The following CTSC variants were observed in gnomAD, a reference collection of about 807,000 sequenced individuals.
CTSC encodes the protein dipeptidyl peptidase 1.
CTSC carries 37 observed loss-of-function variants against 40.9 expected under a neutral mutation model. That is an observed-to-expected ratio of 0.91 (90% CI 0.70 to 1.19). CTSC has a LOEUF of 1.19. Among genes scored for constraint, CTSC ranks in the 50% most tolerant of loss-of-function variants. The pLI is 0.00. For synonymous variants in CTSC, 232 were observed against 207.4 expected (o/e 1.12, Z -1.02); for missense variants, 594 against 567.3 (o/e 1.05, Z -0.48).
At position 88,313,783 on chromosome 11, in the gene CTSC, TAA is replaced by T. The variant is rs1937819674; in HGVS notation, c.319-1231_319-1230del. Among the ~76,000 whole-genome samples, 9 of 152,122 alleles carry T rather than the reference TAA, an allele frequency of 5.9e-5. 2 individuals are homozygous for T. The South Asian group carries it at 1.9e-3, about 32-fold the overall frequency. ...TACGAGGCTTTAGTTCTGTTGCCTG[TAA>T]AATATGGAAAGTAGAAAAAAAAATC... is the stretch of plus-strand genomic sequence containing the variant. On this transcript the variant is annotated intron_variant, in intron 2 of 6. Coordinates refer to ENST00000227266, the MANE Select transcript of CTSC (RefSeq NM_001814.6).
At chr11:88,302,394 C>A (rs987910547) in intron 4 of CTSC, among the ~76,000 whole-genome samples, 1 of 151,960 alleles carries the variant, frequency 6.6e-6, no homozygotes, top group Non-Finnish European at 1.5e-5. Flanking sequence ...GAGGCCGAGG[C>A]GGGCGGATCA....
rs780834342 is a variant in CTSC at position 88,296,209 on chromosome 11, G to C, written c.813C>G (p.Ile271Met). ...TCTGAGAATTGTTGGTTAGTATACG[G>C]ATTCTCGCTTCTAGCATACCCATAG... ...FASMGMLEARIRILTNNSQTP... is the reference protein window; with the variant it reads ...FASMGMLEARMRILTNNSQTP... The change falls in exon 6 of 7, where the codon ATC (isoleucine) becomes ATG (methionine). Residue 271 changes from isoleucine (I) to methionine (M), a missense_variant. Transcript: ENST00000227266. 3 of 1,614,048 alleles carry C rather than the reference G, an allele frequency of 1.9e-6. No homozygotes were observed. Among genetic ancestry groups the C allele is most frequent in the Admixed American group, 1.7e-5 (1 of 60,002 alleles).
At position 88,321,178 on chromosome 11, in the gene CTSC, G is replaced by T. The variant is rs217054; in HGVS notation, c.319-8624C>A. On this transcript the variant is annotated intron_variant, in intron 2 of 6. Transcript: ENST00000227266. ...TTTTAAGTTCCAGGGTACATGTGTAGGATGTGCAGGTTTCTTACATAGATA... is the reference window on the plus strand; with the variant it reads ...TTTTAAGTTCCAGGGTACATGTGTATGATGTGCAGGTTTCTTACATAGATA... 522 of 304,106 alleles carry T rather than the reference G, an allele frequency of 1.7e-3. 9 individuals are homozygous for T. Among genetic ancestry groups the T allele is most frequent in the African/African-American group, 0.011 (497 of 44,104 alleles). 18.8% of individuals were successfully genotyped at this position (304,106 alleles called of 1,614,324 possible).
intron 4 of CTSC, among the ~76,000 whole-genome samples, chr11:88,308,444 T>C (rs1937682932): frequency 6.6e-6 from 1 of 152,134 alleles, no homozygotes; most frequent in Non-Finnish European, 1.5e-5. Context: ...AAATATCTTT[T>C]CAGGGAAATT....
Position 88,294,064 on chromosome 11 carries a change from G to A in CTSC, c.1334C>T (p.Thr445Ile). 6.2e-7 allele frequency: 1 copy of A among 1,614,046 alleles called. No individual in the cohort carries two copies. Among genetic ancestry groups the A allele is most frequent in the Non-Finnish European group, 8.5e-7 (1 of 1,179,998 alleles). The change falls in exon 7 of 7, where the codon ACT becomes ATT. Residue 445 changes from threonine (T) to isoleucine (I), a missense_variant. Thr to Ile is a moderately conservative substitution (Grantham distance 89). Transcript: ENST00000227266. The stretch of plus-strand genomic sequence containing the variant: ...TATGCTCTCAATTGCACACTCATCA[G>A]TTCCTCTGCGGATCCGGAAGTAGCC... The part of the protein sequence containing the change: ...ENGYFRIRRG[T>I]DECAIESIAV...
chr11:88,333,347 C>T (rs1046398409), intron 2 of CTSC, among the ~76,000 whole-genome samples: 4 of 152,110 alleles, frequency 2.6e-5, no homozygotes, highest in African/African-American at 9.7e-5. Context: ...AACTGAATTC[C>T]ACTTCATTCA....
intron 5 of CTSC, chr11:88,299,655 TA>T (rs1312761639): frequency 1.3e-5 from 2 of 152,210 alleles, no homozygotes; most frequent in African/African-American, 2.4e-5. Flanking sequence ...AACAACAGTT[TA>T]TCTTTGGGTA....
At chr11:88,330,666 A>G (rs1485045263) in intron 2 of CTSC, among the ~76,000 whole-genome samples, 1 of 152,022 alleles carries the variant, frequency 6.6e-6, no homozygotes, top group Non-Finnish European at 1.5e-5. Context: ...TATTTTAAAA[A>G]CATACCTAGT....
chr11:88,295,093 C>T (rs1424940061), intron 6 of CTSC, among the ~76,000 whole-genome samples: 2 of 152,102 alleles, frequency 1.3e-5, no homozygotes, highest in Non-Finnish European at 2.9e-5. Flanking sequence ...ATTATTTAAT[C>T]TCTATCTCTT....
chr11:88,324,559 A>G, intron 2 of CTSC: 1 of 982,534 alleles, frequency 1.0e-6, no homozygotes, highest in Non-Finnish European at 1.2e-6. Flanking sequence ...AAAGAAAAGA[A>G]AACTGTGGTG....
At chr11:88,297,965 A>C (rs1002957995) in intron 5 of CTSC, 1 of 152,222 alleles carries the variant, frequency 6.6e-6, no homozygotes, top group Non-Finnish European at 1.5e-5. Context: ...TGAAGAACAC[A>C]CTGAACTAGG....
At chr11:88,306,304 G>A (rs1937631457) in intron 4 of CTSC, among the ~76,000 whole-genome samples, 1 of 152,138 alleles carries the variant, frequency 6.6e-6, no homozygotes, top group Non-Finnish European at 1.5e-5. Context: ...CAGGAGACAG[G>A]GAAATACTGG....
At position 88,337,627 on chromosome 11, in the gene CTSC, G is replaced by A. The variant is rs1375402392; in HGVS notation, c.46C>T (p.Leu16Phe). The A allele has an allele frequency of 3.2e-6, 5 of 1,584,202 alleles. No individual in the cohort carries two copies. Among genetic ancestry groups the A allele is most frequent in the Non-Finnish European group, 4.3e-6 (5 of 1,164,706 alleles). The part of the protein sequence containing the change: ...SLLLAALLLL[L>F]SGDGAVRCDT... ...CAGCGCACGGCGCCGTCGCCGGAGAGAAGCAGCAGGAGGGCGGCGAGCAGC... is the reference window on the plus strand; with the variant it reads ...CAGCGCACGGCGCCGTCGCCGGAGAAAAGCAGCAGGAGGGCGGCGAGCAGC... Residue 16 changes from leucine (L) to phenylalanine (F), a missense_variant, in exon 1 of 7, where the codon CTC becomes TTC. By Grantham distance (22) the Leu-to-Phe change is conservative. Transcript: ENST00000227266.
At chr11:88,325,047 G>A in intron 2 of CTSC, 2 of 985,062 alleles carry the variant, frequency 2.0e-6, no homozygotes, top group Non-Finnish European at 2.4e-6. Context: ...CAGACAATAT[G>A]AATTAAACAT....
intron 5 of CTSC, chr11:88,298,310 T>C (rs1944319973): frequency 6.6e-6 from 1 of 152,194 alleles, no homozygotes; most frequent in Admixed American, 6.5e-5. Flanking sequence ...AGAAAGCCCA[T>C]TCTGCCGTAT....
intron 2 of CTSC, among the ~76,000 whole-genome samples, chr11:88,329,507 T>A (rs1475915233): frequency 6.7e-6 from 1 of 148,844 alleles, no homozygotes; most frequent in Admixed American, 6.7e-5. Context: ...GAGGTCATTT[T>A]TTGGAGCTTA....
intron 2 of CTSC, among the ~76,000 whole-genome samples, chr11:88,331,505 C>T (rs1938353554): frequency 6.6e-6 from 1 of 152,214 alleles, no homozygotes; most frequent in African/African-American, 2.4e-5. Flanking sequence ...GACACAGGAG[C>T]TTCTGTCCCT....
At position 88,335,161 on chromosome 11, in the gene CTSC, T is replaced by A. The variant is rs217077; in HGVS notation, c.173-79A>T. 741,621 of 951,238 alleles carry A rather than the reference T, an allele frequency of 0.78. 291,441 individuals carry two copies. Among genetic ancestry groups the A allele is most frequent in the East Asian group, 1 (41,475 of 41,500 alleles). The allele number at this position is 951,238 out of a possible 1,614,324, so 58.9% of individuals were successfully genotyped here. ...GGGAAAGAATCCCCCAATTTCAATT[T>A]TAATTGTGCTGCTTTCCTTTCATGC... On this transcript the variant is annotated intron_variant, in intron 1 of 6. Coordinates refer to ENST00000227266, the MANE Select transcript of CTSC (RefSeq NM_001814.6).
intron 2 of CTSC, among the ~76,000 whole-genome samples, chr11:88,320,311 C>CCA (rs902680990): frequency 9.9e-5 from 15 of 152,190 alleles, no homozygotes; most frequent in Non-Finnish European, 2.9e-5. Context: ...AATACACACT[C>CCA]CAGAATTAGC....
Sources: allele counts gnomAD v4.1 joint callset (sites outside exome capture counted in the v4.1 genomes callset), GRCh38; gene constraint gnomAD v4.1.1; transcripts MANE v1.5; gene names NCBI Gene and HGNC (gene_info 2026-07-23, HGNC 2026-07-21).